Variants in DACH2 observed in about 807,000 individuals in gnomAD.
DACH2 encodes the protein dachshund family transcription factor 2, also known as dachshund homolog 2.
Under a neutral mutation model 35.8 loss-of-function variants are expected in DACH2, and 17 were observed. The ratio of observed to expected loss-of-function variants is 0.48; its 90% confidence interval spans 0.33 to 0.71. The LOEUF is 0.71. Ranked by LOEUF, DACH2 falls within the 30% of genes least tolerant of loss-of-function variation. The probability of loss-of-function intolerance (pLI) is 0.02; values close to 1 mark genes in which losing one functional copy is unlikely to be tolerated. For synonymous variants in DACH2, 195 were observed against 177.3 expected, an observed-to-expected ratio of 1.10 and a Z score of -0.79; for missense variants, 469 against 472.7, an observed-to-expected ratio of 0.99 and a Z score of 0.07.
chrX:86,741,477 A>G (rs2041655445), intron 7 of DACH2, among the ~76,000 whole-genome samples: 1 of 111,792 alleles, frequency 8.9e-6, no homozygotes, highest in Non-Finnish European at 1.9e-5. Flanking sequence ...AGAGATTCTT[A>G]TATGTAGCCA....
intron 7 of DACH2, among the ~76,000 whole-genome samples, chrX:86,759,207 T>C (rs12840890): frequency 8.9e-6 from 1 of 111,913 alleles, no homozygotes; most frequent in Middle Eastern, 4.6e-3. Flanking sequence ...AGGCTGATTG[T>C]GGGTTGCTGA....
chrX:86,810,941 C>T (rs904321154), intron 7 of DACH2, among the ~76,000 whole-genome samples: 1 of 111,303 alleles, frequency 9.0e-6, no homozygotes, highest in Non-Finnish European at 1.9e-5. Context: ...AAATAAACTA[C>T]GAGTGAGTTG....
chrX:86,411,907 C>T (rs2036621307), intron 2 of DACH2, among the ~76,000 whole-genome samples: 1 of 110,930 alleles, frequency 9.0e-6, no homozygotes, highest in African/African-American at 3.3e-5. Flanking sequence ...CCTGAGGTAT[C>T]TGGGCCATTT....
intron 7 of DACH2, among the ~76,000 whole-genome samples, chrX:86,758,898 A>G (rs1851662113): frequency 8.9e-6 from 1 of 112,719 alleles, no homozygotes; most frequent in African/African-American, 3.2e-5. Flanking sequence ...TCAAACATTT[A>G]TCCTTTGTAT....
intron 7 of DACH2, among the ~76,000 whole-genome samples, chrX:86,774,726 G>C (rs1441901601): frequency 8.9e-6 from 1 of 111,778 alleles, no homozygotes; most frequent in Non-Finnish European, 1.9e-5. Flanking sequence ...CATTAGCTGT[G>C]TTTTATTTCA....
chrX:86,365,585 T>C (rs73520074), intron 1 of DACH2, among the ~76,000 whole-genome samples: 2,870 of 111,431 alleles, frequency 0.026, 74 homozygotes, highest in East Asian at 0.21. Context: ...ATAACAAAAA[T>C]GTAGATTAAT....
chrX:86,217,462 A>C (rs2032604289), intron 1 of DACH2, among the ~76,000 whole-genome samples: 1 of 111,967 alleles, frequency 8.9e-6, no homozygotes, highest in Admixed American at 9.5e-5. Flanking sequence ...TAATAATAAA[A>C]CTATAGAAAA....
intron 1 of DACH2, among the ~76,000 whole-genome samples, chrX:86,290,769 TC>T (rs2034269365): frequency 1.0e-5 from 1 of 95,814 alleles, no homozygotes. Flanking sequence ...TCTGTTCTGT[TC>T]CATTGATCTA....
chrX:86,297,905 G>A (rs2034499887), intron 1 of DACH2, among the ~76,000 whole-genome samples: 1 of 111,741 alleles, frequency 8.9e-6, no homozygotes, highest in Non-Finnish European at 1.9e-5. Context: ...CATAAACAAG[G>A]AAGCAGGTTC....
At position 86,490,903 on chromosome X, in the gene DACH2, C is replaced by T. The variant is rs546534069; in HGVS notation, c.528-23376C>T. 8.1e-5 allele frequency among the ~76,000 whole-genome samples: 9 copies of T among 110,928 alleles called. No individual in the cohort carries two copies. The South Asian group carries it at 2.3e-3, about 28-fold the overall frequency. ...CATGCAGTAAACATTAGAATATTTACGTTGGTGGACTTTTTGGGTAGAGAG... is the reference window on the plus strand; with the variant it reads ...CATGCAGTAAACATTAGAATATTTATGTTGGTGGACTTTTTGGGTAGAGAG... On this transcript the variant is annotated intron_variant, in intron 2 of 11. Transcript: ENST00000373125.
intron 2 of DACH2, among the ~76,000 whole-genome samples, chrX:86,415,594 C>T (rs753801084): frequency 1.1e-4 from 12 of 111,667 alleles, no homozygotes; most frequent in Non-Finnish European, 2.1e-4. Context: ...CCTTTATTCA[C>T]TATCTTTCCT....
chrX:86,789,641 A>T (rs1175682422), intron 7 of DACH2, among the ~76,000 whole-genome samples: 3 of 111,975 alleles, frequency 2.7e-5, no homozygotes, highest in Non-Finnish European at 5.6e-5. Context: ...AGATAACATG[A>T]TATAGCTCTA....
At chrX:86,367,669 T>C (rs2035825796) in intron 1 of DACH2, among the ~76,000 whole-genome samples, 1 of 111,502 alleles carries the variant, frequency 9.0e-6, no homozygotes, top group Admixed American at 9.6e-5. Flanking sequence ...ACACGGTTAA[T>C]GGTGACACAG....
At chrX:86,572,321 CA>C (rs61251939) in intron 3 of DACH2, among the ~76,000 whole-genome samples, 17,465 of 108,548 alleles carry the variant, frequency 0.16, 1,134 homozygotes, top group East Asian at 0.28. Flanking sequence ...TATTGAAATG[CA>C]AAAAAAAATT....
chrX:86,486,248 G>A (rs2038017384), intron 2 of DACH2, among the ~76,000 whole-genome samples: 1 of 111,089 alleles, frequency 9.0e-6, no homozygotes, highest in Non-Finnish European at 1.9e-5. Flanking sequence ...TGAGACCTAA[G>A]GATCCCTTTT....
intron 3 of DACH2, among the ~76,000 whole-genome samples, chrX:86,550,687 TTTCTC>T (rs1232779678): frequency 1.8e-5 from 2 of 111,238 alleles, no homozygotes; most frequent in Non-Finnish European, 3.8e-5. Flanking sequence ...TGCTGTTTGT[TTTCTC>T]TTTACCAGTT....
At chrX:86,312,908 C>A (rs1307676445) in intron 1 of DACH2, among the ~76,000 whole-genome samples, 1 of 111,247 alleles carries the variant, frequency 9.0e-6, no homozygotes, top group Non-Finnish European at 1.9e-5. Context: ...ACTGGTGAAT[C>A]AGGAGAGGAG....
intron 2 of DACH2, among the ~76,000 whole-genome samples, chrX:86,469,691 T>A (rs984236747): frequency 9.0e-6 from 1 of 110,907 alleles, no homozygotes; most frequent in Admixed American, 9.7e-5. Flanking sequence ...AGAGGAGATA[T>A]GACAATAAAT....
chrX:86,593,378 A>G (rs1229568670), intron 3 of DACH2, among the ~76,000 whole-genome samples: 1 of 105,451 alleles, frequency 9.5e-6, no homozygotes, highest in Non-Finnish European at 1.9e-5. Flanking sequence ...ATCATGATGT[A>G]ATTCTTTCAT....
Sources: allele counts gnomAD v4.1 joint callset (sites outside exome capture counted in the v4.1 genomes callset), GRCh38; gene constraint gnomAD v4.1.1; transcripts MANE v1.5; gene names NCBI Gene and HGNC (gene_info 2026-07-23, HGNC 2026-07-21).